The following PPP2R1B variants were observed in gnomAD, a reference collection of about 807,000 sequenced individuals.
PPP2R1B encodes protein phosphatase 2 scaffold subunit Abeta, also known as serine/threonine-protein phosphatase 2A 65 kDa regulatory subunit A beta isoform.
Under a neutral mutation model 72.7 loss-of-function variants are expected in PPP2R1B, and 58 were observed. The ratio of observed to expected loss-of-function variants is 0.80; its 90% CI spans 0.65 to 0.99. PPP2R1B has a LOEUF of 0.99. Ranked by LOEUF, PPP2R1B falls within the 50% of genes least tolerant of loss-of-function variation. PPP2R1B has a pLI of 0.00. For missense variants in PPP2R1B, 695 were observed against 733.6 expected (o/e 0.95, Z 0.61); for synonymous variants, 256 against 264.6 (o/e 0.97, Z 0.32).
chr11:111,748,850 T>G (rs1555047073), intron 10 of PPP2R1B, among the ~76,000 whole-genome samples: 1 of 152,010 alleles, frequency 6.6e-6, no homozygotes, highest in Non-Finnish European at 1.5e-5. Context: ...TAAGACAAAA[T>G]AGCTTTTTTT....
the PPP2R1B span, chr11:111,704,910 C>CA: frequency 3.6e-6 from 5 of 1,401,006 alleles, no homozygotes; most frequent in Non-Finnish European, 4.8e-6. Context: ...TTTCTTTCCT[C>CA]TTTTTTTTTA....
At chr11:111,723,648 C>A, downstream of PPP2R1B, 1 of 1,614,168 alleles carries the variant, frequency 6.2e-7, no homozygotes, top group Non-Finnish European at 8.5e-7. Context: ...CAGGCCCCAC[C>A]GTTCAGCCTG....
chr11:111,699,620 G>A, the PPP2R1B span, among the ~76,000 whole-genome samples: 2 of 152,102 alleles, frequency 1.3e-5, no homozygotes, highest in Admixed American at 6.6e-5. Context: ...TGTAATAATG[G>A]GGATTGTTAC....
chr11:111,752,565 G>T (rs1944949613), intron 9 of PPP2R1B, among the ~76,000 whole-genome samples: 1 of 152,182 alleles, frequency 6.6e-6, no homozygotes, highest in Non-Finnish European at 1.5e-5. Context: ...CCGTAAGATG[G>T]TAAAGAGCAT....
rs1463983424 is a variant in PPP2R1B at position 111,764,804 on chromosome 11, C to A, written c.306+1G>T. On this transcript the variant is annotated splice_donor_variant, in intron 3 of 14. Coordinates refer to ENST00000527614, the MANE Select transcript of PPP2R1B (RefSeq NM_002716.5). LOFTEE classifies it high-confidence loss of function. ...AGGGTAGGCAGCTTATAAATACTCA[C>A]CAGCAGACAGTGGGCAAAGTCAGGA... is the stretch of plus-strand genomic sequence containing the variant. 2.5e-6 allele frequency: 4 copies of A among 1,613,756 alleles called. No individual in the cohort carries two copies. Among genetic ancestry groups the A allele is most frequent in the Non-Finnish European group, 3.4e-6 (4 of 1,179,952 alleles).
chr11:111,755,225 CT>C, intron 6 of PPP2R1B, 69 bp downstream of exon 6: 1 of 1,546,210 alleles, frequency 6.5e-7, no homozygotes, highest in Non-Finnish European at 8.7e-7. Flanking sequence ...AATTCAGAAA[CT>C]TTGGGTACAA....
chr11:111,726,952 T>TA, exon 16 of PPP2R1B: 1 of 1,611,984 alleles, frequency 6.2e-7, no homozygotes, highest in Non-Finnish European at 8.5e-7. Flanking sequence ...GTTCTTTTTT[T>TA]AAATCTGGGG....
Position 111,747,997 on chromosome 11 carries a change from A to G in PPP2R1B, c.1356T>C (p.Asp452=). The G allele has an allele frequency of 1.9e-6, 3 of 1,613,370 alleles. No individual in the cohort carries two copies. The highest frequency in any genetic ancestry group is 2.5e-6 in the Non-Finnish European group (3 of 1,179,776). ...CCATACATAAAGAATTCAGCTTTTCATCAAAGAATTCCACACCCTACAGAT... is the reference window on the plus strand; with the variant it reads ...CCATACATAAAGAATTCAGCTTTTCGTCAAAGAATTCCACACCCTACAGAT... ...LAGQLGVEFF[D]EKLNSLCMAW... The change falls in exon 11 of 15, where the codon GAT becomes GAC. Residue 452 remains aspartate (D), a synonymous_variant. Transcript: ENST00000527614.
intron 9 of PPP2R1B, among the ~76,000 whole-genome samples, chr11:111,753,090 T>C (rs1299143945): frequency 6.6e-6 from 1 of 152,210 alleles, no homozygotes; most frequent in Non-Finnish European, 1.5e-5. Context: ...CATGTAGTAA[T>C]TACTCAGTAA....
At chr11:111,761,953 CTT>C (rs1555051563) in intron 3 of PPP2R1B, among the ~76,000 whole-genome samples, 1 of 149,252 alleles carries the variant, frequency 6.7e-6, no homozygotes. Flanking sequence ...GAGTGAGGCT[CTT>C]GTCTCAAAAA....
At chr11:111,720,985 C>A in the PPP2R1B span, 3 of 1,614,168 alleles carry the variant, frequency 1.9e-6, no homozygotes, top group South Asian at 3.3e-5. Flanking sequence ...GTTGTATGAA[C>A]AAATAGGACC....
chr11:111,729,289 G>C (rs1184620119), intron 15 of PPP2R1B: 1 of 152,290 alleles, frequency 6.6e-6, no homozygotes, highest in Non-Finnish European at 1.5e-5. Flanking sequence ...AGAACCAGGC[G>C]GCAGCAGTGC....
chr11:111,717,096 C>T, the PPP2R1B span, among the ~76,000 whole-genome samples: 4 of 151,936 alleles, frequency 2.6e-5, no homozygotes, highest in Non-Finnish European at 4.4e-5. Flanking sequence ...AGGCGGATCA[C>T]GAGGTCAGGA....
intron 15 of PPP2R1B, chr11:111,727,910 G>C (rs1944028135): frequency 2.0e-5 from 3 of 152,326 alleles, no homozygotes; most frequent in South Asian, 4.1e-4. Flanking sequence ...CTCTAGTCAA[G>C]CCCCAGGTTC....
At chr11:111,724,158 G>T (rs761962168), downstream of PPP2R1B, 1 of 1,589,820 alleles carries the variant, frequency 6.3e-7, no homozygotes, top group African/African-American at 1.3e-5. Context: ...GGTGGGTCAG[G>T]TGAAGGAAGA....
chr11:111,707,647 T>C, the PPP2R1B span, among the ~76,000 whole-genome samples: 2 of 152,210 alleles, frequency 1.3e-5, no homozygotes, highest in African/African-American at 4.8e-5. Context: ...AAAAATAGAC[T>C]TCTGTTTTTA....
intron 15 of PPP2R1B, chr11:111,727,120 A>T (rs917207779): frequency 7.0e-7 from 1 of 1,438,352 alleles, no homozygotes; most frequent in Non-Finnish European, 9.8e-7. Flanking sequence ...ATTCCCGGTG[A>T]CACTGACCGT....
chr11:111,766,286 C>A lies in PPP2R1B; in HGVS notation c.76G>T (p.Ala26Ser), dbSNP rs782066144. Residue 26 changes from alanine (A) to serine (S), a missense_variant, in exon 1 of 15, where the codon GCG (alanine) becomes TCG (serine). By Grantham distance (99) the Ala-to-Ser change is moderately conservative. Transcript: ENST00000527614. ...TTGCGGAGCTCGTCGATTAAAACCG[C>A]GATCGGGTATAGCGAATCATCTCCA... ...GDGDDSLYPI[A>S]VLIDELRNED... 2 of 1,613,976 alleles carry A rather than the reference C, an allele frequency of 1.2e-6. No homozygotes were observed. Among genetic ancestry groups the A allele is most frequent in the Non-Finnish European group, 1.7e-6 (2 of 1,179,936 alleles).
chr11:111,724,048 C>T (rs1483320031), downstream of PPP2R1B: 4 of 1,614,060 alleles, frequency 2.5e-6, no homozygotes, highest in Admixed American at 6.7e-5. Context: ...CACTAGCCCT[C>T]TCTGAGCTAC....
Sources: allele counts gnomAD v4.1 joint callset (sites outside exome capture counted in the v4.1 genomes callset), GRCh38; gene constraint gnomAD v4.1.1; transcripts MANE v1.5; gene names NCBI Gene and HGNC (gene_info 2026-07-23, HGNC 2026-07-21).